PHACTR3: variants seen among roughly 807,000 people sequenced by gnomAD.
PHACTR3 encodes phosphatase and actin regulator 3, also known as protein phosphatase 1, regulatory subunit 123.
PHACTR3 carries 16 observed loss-of-function variants against 66.8 expected under a neutral mutation model. The ratio of observed to expected loss-of-function variants is 0.24; its 90% CI spans 0.16 to 0.36. The LOEUF (loss-of-function observed/expected upper bound fraction) is 0.36, where lower values mean the gene tolerates loss of function less well. PHACTR3 is among the 10% of genes least tolerant of loss of function. The pLI is 1.00. For synonymous variants in PHACTR3, 323 were observed against 292.1 expected, an observed-to-expected ratio of 1.11 and a Z score of -1.08; for missense variants, 647 against 719.9, an observed-to-expected ratio of 0.90 and a Z score of 1.16.
chr20:59,655,758 T>G (rs1298791514), intron 1 of PHACTR3, among the ~76,000 whole-genome samples: 1 of 151,896 alleles, frequency 6.6e-6, no homozygotes, highest in African/African-American at 2.4e-5. Context: ...TTTGAGATTT[T>G]TCTTTTAAAT....
chr20:59,802,007 G>A (rs2041427940), intron 7 of PHACTR3, among the ~76,000 whole-genome samples: 1 of 152,210 alleles, frequency 6.6e-6, no homozygotes, highest in South Asian at 2.1e-4. Flanking sequence ...AGCCACGAAT[G>A]TCAGGCTGGG....
chr20:59,731,412 C>T (rs373499231), intron 1 of PHACTR3, among the ~76,000 whole-genome samples: 1 of 152,206 alleles, frequency 6.6e-6, no homozygotes, highest in South Asian at 2.1e-4. Context: ...AAAATCATCA[C>T]AATGATGACA....
intron 1 of PHACTR3, among the ~76,000 whole-genome samples, chr20:59,658,500 A>G (rs2035700195): frequency 1.3e-5 from 2 of 152,038 alleles, no homozygotes; most frequent in South Asian, 2.1e-4. Context: ...GGAATAGGCT[A>G]TTTTAGTGTT....
intron 1 of PHACTR3, among the ~76,000 whole-genome samples, chr20:59,578,672 C>G (rs2032783549): frequency 6.6e-6 from 1 of 152,214 alleles, no homozygotes; most frequent in Non-Finnish European, 1.5e-5. Flanking sequence ...AGCCCTCCTT[C>G]CCCACGAGGC....
intron 7 of PHACTR3, among the ~76,000 whole-genome samples, chr20:59,785,561 A>C (rs576327200): frequency 6.6e-6 from 1 of 152,246 alleles, no homozygotes; most frequent in South Asian, 2.1e-4. Flanking sequence ...CCCTGGCTGC[A>C]AGAGAAAGCG....
intron 1 of PHACTR3, among the ~76,000 whole-genome samples, chr20:59,606,190 C>A (rs1193787597): frequency 1.3e-5 from 2 of 152,094 alleles, no homozygotes; most frequent in Admixed American, 6.5e-5. Flanking sequence ...ATCCCTGGGG[C>A]CCGGGTGAAG....
intron 1 of PHACTR3, among the ~76,000 whole-genome samples, chr20:59,632,839 G>A (rs1022157264): frequency 6.6e-6 from 1 of 152,182 alleles, no homozygotes; most frequent in Non-Finnish European, 1.5e-5. Context: ...TGCATGCCCA[G>A]TCCCAGGGAG....
chr20:59,715,265 G>C (rs1478319723), intron 1 of PHACTR3, among the ~76,000 whole-genome samples: 2 of 151,864 alleles, frequency 1.3e-5, no homozygotes, highest in African/African-American at 4.8e-5. Context: ...TAGATTTTTT[G>C]TATATATTCC....
chr20:59,711,689 A>G (rs2037919156), intron 1 of PHACTR3, among the ~76,000 whole-genome samples: 1 of 152,214 alleles, frequency 6.6e-6, no homozygotes, highest in South Asian at 2.1e-4. Context: ...TAAAATATCA[A>G]ATATCTCATA....
At chr20:59,681,367 T>A (rs566763897) in intron 1 of PHACTR3, among the ~76,000 whole-genome samples, 4,280 of 136,738 alleles carry the variant, frequency 0.031, 81 homozygotes, top group Middle Eastern at 0.066. Context: ...ATTGTACCAT[T>A]TTTTTTTTCT....
At chr20:59,839,323 T>TA (rs1009364892) in intron 9 of PHACTR3, among the ~76,000 whole-genome samples, 1 of 152,104 alleles carries the variant, frequency 6.6e-6, no homozygotes, top group Non-Finnish European at 1.5e-5. Context: ...ATGACTCACT[T>TA]AAAAAAAATT....
chr20:59,686,746 G>A lies in PHACTR3; in HGVS notation c.119-56361G>A, dbSNP rs1401033852. Among the ~76,000 whole-genome samples, 42 of 72,032 alleles carry A rather than the reference G, an allele frequency of 5.8e-4. 1 individual carries two copies. The East Asian group carries it at 6.7e-3, about 12-fold the overall frequency. 47.3% of individuals were successfully genotyped at this position (72,032 alleles called of 152,430 possible). A position where few individuals can be genotyped will look rare whatever the true frequency, so the allele number is the denominator to read the frequency against. ...GGTTATGATGATGGTGGTGATGATGGTGATGATGATGGTGATGATGATGGT... is the reference window on the plus strand; with the variant it reads ...GGTTATGATGATGGTGGTGATGATGATGATGATGATGGTGATGATGATGGT... On this transcript the variant is annotated intron_variant, in intron 1 of 12. Transcript: ENST00000371015.
In PHACTR3 at chr20:59,820,828, AG is replaced by A. The variant is rs886296778; in HGVS notation, c.1328+14636del. Among the ~76,000 whole-genome samples, 26 of 152,352 alleles carry A rather than the reference AG, an allele frequency of 1.7e-4. No homozygotes were observed. The highest frequency in any genetic ancestry group is 6.0e-4 in the African/African-American group (25 of 41,576). ...AAACATGATTCCCAAACCAGGGAGC[AG>A]GTGGTTTGGTGGACTTGGAGGCTGC... On this transcript the variant is annotated intron_variant, in intron 8 of 12. Transcript: ENST00000371015. The surrounding 1 kb of genome is among the most constrained non-coding windows in gnomAD (Gnocchi z 4.6).
At chr20:59,662,347 G>A (rs2146479963) in intron 1 of PHACTR3, among the ~76,000 whole-genome samples, 1 of 152,260 alleles carries the variant, frequency 6.6e-6, no homozygotes, top group East Asian at 1.9e-4. Context: ...CTATGAGGAA[G>A]CAGCCTTTAC....
rs1317090046 is a variant in PHACTR3 at position 59,773,443 on chromosome 20, C to T, written c.916C>T (p.Arg306Cys). The T allele has an allele frequency of 5.0e-6, 8 of 1,609,928 alleles. No homozygotes were observed. Among genetic ancestry groups the T allele is most frequent in the African/African-American group, 2.7e-5 (2 of 74,814 alleles). ...ELHRALATKH[R>C]QDSFQGRESK... ...GCACAGGGCGCTGGCCACGAAGCAC[C>T]GCCAGGACAGGTGAGGCCCTGCCCC... is the stretch of plus-strand genomic sequence containing the variant. The change falls in exon 6 of 13, where the codon CGC (arginine) becomes TGC (cysteine). Residue 306 changes from arginine to cysteine, a missense_variant. Physicochemically the swap from Arg to Cys is radical, Grantham distance 180. This residue lies in a region of PHACTR3 where 577 missense variants were observed against 571.1 expected (regional missense o/e 1.01). Transcript: ENST00000371015.
chr20:59,807,309 AAC>A (rs2041598394), intron 8 of PHACTR3, among the ~76,000 whole-genome samples: 1 of 152,208 alleles, frequency 6.6e-6, no homozygotes, highest in Admixed American at 6.5e-5. Context: ...TAAAAATTAA[AAC>A]ACAAATGCCG....
chr20:59,685,195 C>T (rs1238017625), intron 1 of PHACTR3, among the ~76,000 whole-genome samples: 1 of 152,210 alleles, frequency 6.6e-6, no homozygotes, highest in Non-Finnish European at 1.5e-5. Context: ...CTGTGGCCCC[C>T]TTCCTGCCCA....
intron 8 of PHACTR3, among the ~76,000 whole-genome samples, chr20:59,810,222 G>A (rs1218276063): frequency 1.3e-5 from 2 of 152,232 alleles, no homozygotes; most frequent in Non-Finnish European, 2.9e-5. Flanking sequence ...GTTGGGAGAA[G>A]GTTGGGCTGC....
At chr20:59,628,480 C>T (rs976169868) in intron 1 of PHACTR3, 3 of 245,238 alleles carry the variant, frequency 1.2e-5, no homozygotes, top group Non-Finnish European at 2.0e-5. Flanking sequence ...GCAGCCTGCA[C>T]GTGAATGGAG....
Sources: gnomAD v4.1 joint callset for allele counts (sites outside exome capture counted in the v4.1 genomes callset) on GRCh38, gnomAD v4.1.1 for gene constraint, gnomAD v4.1.1 regional missense constraint, Gnocchi (gnomAD v3.1) non-coding constraint, MANE v1.5 for transcripts, NCBI Gene and HGNC (gene_info 2026-07-23, HGNC 2026-07-21) for gene names.